The following EPB41L1 variants were observed in gnomAD, a reference collection of about 807,000 sequenced individuals.
EPB41L1 encodes the protein band 4.1-like protein 1.
EPB41L1 carries 29 observed loss-of-function variants against 97.8 expected under a neutral mutation model. The observed-to-expected ratio is 0.30, with a 90% CI of 0.22 to 0.40. The LOEUF (loss-of-function observed/expected upper bound fraction) is 0.40. EPB41L1 is among the 10% of genes least tolerant of loss of function. The probability of loss-of-function intolerance (pLI) is 1.00; values close to 1 mark genes in which losing one functional copy is unlikely to be tolerated. For missense variants in EPB41L1, 812 were observed against 1,162.3 expected, an observed-to-expected ratio of 0.70 and a Z score of 4.38; for synonymous variants, 383 against 459.2, an observed-to-expected ratio of 0.83 and a Z score of 2.12.
intron 19 of EPB41L1, among the ~76,000 whole-genome samples, chr20:36,221,580 C>T (rs890534065): frequency 1.3e-5 from 2 of 152,172 alleles, no homozygotes; most frequent in Non-Finnish European, 2.9e-5. Context: ...AGTACCAAGG[C>T]AGGAAGACAG....
rs2061896337 is a variant in EPB41L1 at position 36,190,430 on chromosome 20, G to A, written c.1124+56G>A. On this transcript the variant is annotated intron_variant, in intron 10 of 21. Coordinates refer to ENST00000338074, the MANE Select transcript of EPB41L1 (RefSeq NM_012156.2). This position sits in a 1 kb window ranked among gnomAD's most constrained non-coding sequence, Gnocchi z 5.8. Reference sequence around the variant, plus strand: ...ATGGGGCAGAGGCCATGTGTATGGAGGGGAGCAGGGGGAGGAGTTAGTGAG... The same window carrying A: ...ATGGGGCAGAGGCCATGTGTATGGAAGGGAGCAGGGGGAGGAGTTAGTGAG... 6.3e-7 allele frequency: 1 copy of A among 1,576,894 alleles called. No homozygotes were observed. Among genetic ancestry groups the A allele is most frequent in the African/African-American group, 1.3e-5 (1 of 74,170 alleles).
intron 2 of EPB41L1, among the ~76,000 whole-genome samples, chr20:36,117,939 A>G (rs2058636943): frequency 6.6e-6 from 1 of 152,220 alleles, no homozygotes; most frequent in Non-Finnish European, 1.5e-5. Context: ...GCTCTTGCCA[A>G]TCTCAGCTAA....
At chr20:36,104,684 A>G (rs1178538249) in intron 1 of EPB41L1, among the ~76,000 whole-genome samples, 1 of 152,122 alleles carries the variant, frequency 6.6e-6, no homozygotes, top group African/African-American at 2.4e-5. Context: ...TTGAACATTG[A>G]TGTCTGAAGT....
At chr20:36,178,782 C>T (rs964714965) in intron 5 of EPB41L1, 110 bp downstream of exon 5, 21 of 1,195,338 alleles carry the variant, frequency 1.8e-5, no homozygotes, top group East Asian at 2.3e-5. Context: ...TCAGGCCAGG[C>T]GTTGTGGCTC....
At position 36,187,739 on chromosome 20, in the gene EPB41L1, C is replaced by T. The variant is rs369598371; in HGVS notation, c.849C>T (p.Tyr283=). 8.0e-5 allele frequency: 129 copies of T among 1,613,852 alleles called. No homozygotes were observed. The East Asian group carries it at 1.0e-3, about 13-fold the overall frequency. The change falls in exon 8 of 22, where the codon TAC becomes TAT. Residue 283 remains tyrosine (Y), a synonymous_variant. Transcript: ENST00000338074. ...AGAATGCCAAGAAGCTTTCCATGTA[C>T]GGAGTAGACCTGCACCATGCCAAGG... is the stretch of plus-strand genomic sequence containing the variant. ...FLENAKKLSM[Y]GVDLHHAKDS...
Position 36,212,423 on chromosome 20 carries a change from T to C in EPB41L1, c.2184+47T>C, listed in dbSNP as rs73289652. ...ACCCTAAGCATGGGTATTGGGCATT[T>C]GGTGGTAGGGTCCCCACTGCTGTGG... is the stretch of plus-strand genomic sequence containing the variant. On this transcript the variant is annotated intron_variant, in intron 16 of 21. Transcript: ENST00000338074. The surrounding 1 kb of genome is among the most constrained non-coding windows in gnomAD (Gnocchi z 4.8). The C allele has an allele frequency of 8.6e-3, 13,252 of 1,549,390 alleles. 348 individuals are homozygous for C. In the African/African-American group the frequency reaches 0.086, roughly 10 times the overall value.
At chr20:36,167,348 C>A (rs1478974031) in intron 1 of EPB41L1, among the ~76,000 whole-genome samples, 1 of 152,108 alleles carries the variant, frequency 6.6e-6, no homozygotes, top group Non-Finnish European at 1.5e-5. Flanking sequence ...CAGCCATATA[C>A]AGAGGTCTGT....
At position 36,092,523 on chromosome 20, in the gene EPB41L1, G is replaced by C. The variant is rs1276326169; in HGVS notation, c.-65+911G>C. Among the ~76,000 whole-genome samples, 2 of 151,860 alleles carry C rather than the reference G, an allele frequency of 1.3e-5. No individual in the cohort carries two copies. The highest frequency in any genetic ancestry group is 2.9e-5 in the Non-Finnish European group (2 of 67,926). On this transcript the variant is annotated intron_variant, in intron 1 of 19. Transcript: ENST00000202028. The surrounding 1 kb of genome is among the most constrained non-coding windows in gnomAD (Gnocchi z 7.0). Reference sequence around the variant, plus strand: ...CGGCTCCGGCGCTCCCCTGGTGTTGGCTGCTCGCCGCCGCTGCTTGCTCGT... The same window carrying C: ...CGGCTCCGGCGCTCCCCTGGTGTTGCCTGCTCGCCGCCGCTGCTTGCTCGT...
At chr20:36,182,461 A>G (rs1394140333) in intron 6 of EPB41L1, 114 bp downstream of exon 6, 1 of 1,174,014 alleles carries the variant, frequency 8.5e-7, no homozygotes, top group East Asian at 2.4e-5. Flanking sequence ...GCAGTCGCCT[A>G]CCGAGGTCAG....
intron 21 of EPB41L1, among the ~76,000 whole-genome samples, chr20:36,224,269 A>AT (rs1491507804): frequency 6.6e-6 from 1 of 152,316 alleles, no homozygotes; most frequent in African/African-American, 2.4e-5. Context: ...ATATAAAAAA[A>AT]GTAAATAATC....
chr20:36,147,298 T>C (rs1347824475), intron 2 of EPB41L1, among the ~76,000 whole-genome samples: 1 of 152,188 alleles, frequency 6.6e-6, no homozygotes, highest in Non-Finnish European at 1.5e-5. Context: ...AAGGAAACTT[T>C]ATTGATGTTA....
chr20:36,172,980 A>C (rs2145876960), intron 1 of EPB41L1, among the ~76,000 whole-genome samples: 1 of 152,334 alleles, frequency 6.6e-6, no homozygotes, highest in African/African-American at 2.4e-5. Context: ...CTATTCCAGC[A>C]GAATAGCTGG....
At chr20:36,144,949 G>T (rs150344977) in intron 2 of EPB41L1, among the ~76,000 whole-genome samples, 2 of 152,140 alleles carry the variant, frequency 1.3e-5, no homozygotes, top group Admixed American at 6.5e-5. Flanking sequence ...ATGAAGTCAG[G>T]TCCTCTGACT....
At chr20:36,171,266 G>A (rs889793435) in intron 1 of EPB41L1, among the ~76,000 whole-genome samples, 22 of 152,164 alleles carry the variant, frequency 1.4e-4, no homozygotes, top group African/African-American at 4.3e-4. Context: ...CCGGTGCACC[G>A]GTATCATTTG....
In EPB41L1 at chr20:36,231,767, C is replaced by CACTA. The variant is rs1267578351; in HGVS notation, c.*2430_*2431insAACT. On this transcript the variant is annotated 3_prime_UTR_variant, in exon 22 of 22. Coordinates refer to ENST00000338074, the MANE Select transcript of EPB41L1 (RefSeq NM_012156.2). ...CCAACTCCCCCTGAGTGTAGCAGCACACTTTCCATACACCAGGTTCTTTCT... is the reference window on the plus strand; with the variant it reads ...CCAACTCCCCCTGAGTGTAGCAGCACACTAACTTTCCATACACCAGGTTCTTTCT... 6.5e-6 allele frequency: 1 copy of CACTA among 152,694 alleles called. No homozygotes were observed. Among genetic ancestry groups the CACTA allele is most frequent in the Non-Finnish European group, 1.5e-5 (1 of 68,078 alleles). The allele number at this position is 152,694 out of a possible 1,614,324, so 9.5% of individuals were successfully genotyped here.
chr20:36,149,327 A>G lies in EPB41L1; in HGVS notation c.-9-26224A>G, dbSNP rs1248515730. On this transcript the variant is annotated intron_variant, in intron 2 of 19. Transcript: ENST00000202028. ...AGATACGTATGGAAAAGTGCTTTGT[A>G]TACTGTGACCTGCTATGCAGTTTGC... Among the ~76,000 whole-genome samples, 3 of 152,294 alleles carry G rather than the reference A, an allele frequency of 2.0e-5. No individual in the cohort carries two copies. In the East Asian group the frequency reaches 5.8e-4, roughly 29 times the overall value.
chr20:36,141,342 AT>A (rs370318040), intron 2 of EPB41L1, among the ~76,000 whole-genome samples: 15 of 150,184 alleles, frequency 1.0e-4, no homozygotes, highest in African/African-American at 1.2e-4. Context: ...CATCTTTATT[AT>A]TTTTTTTTTC....
chr20:36,118,527 A>C (rs925240770), intron 2 of EPB41L1, among the ~76,000 whole-genome samples: 2 of 152,200 alleles, frequency 1.3e-5, no homozygotes, highest in South Asian at 4.1e-4. Flanking sequence ...TTTACAGCTC[A>C]GCACTTGCCA....
chr20:36,186,902 T>C (rs532923700), intron 7 of EPB41L1, among the ~76,000 whole-genome samples: 3 of 152,268 alleles, frequency 2.0e-5, no homozygotes, highest in African/African-American at 7.2e-5. Context: ...ATGAAGTGAT[T>C]AGGAGCATAA....
Sources: gnomAD v4.1 joint callset for allele counts (sites outside exome capture counted in the v4.1 genomes callset) on GRCh38, gnomAD v4.1.1 for gene constraint, Gnocchi (gnomAD v3.1) non-coding constraint, MANE v1.5 for transcripts, NCBI Gene and HGNC (gene_info 2026-07-23, HGNC 2026-07-21) for gene names.